The following SLC7A13 variants were observed in gnomAD, a reference collection of about 807,000 sequenced individuals.
SLC7A13 encodes the protein X-amino acid transporter 2.
Under a neutral mutation model 32.0 loss-of-function variants are expected in SLC7A13, and 31 were observed. The ratio of observed to expected loss-of-function variants is 0.97; its 90% CI spans 0.73 to 1.31. The LOEUF (loss-of-function observed/expected upper bound fraction) is 1.31, where lower values mean the gene tolerates loss of function less well. SLC7A13 is among the 50% of genes most tolerant of loss of function. The pLI, the probability that SLC7A13 is intolerant of heterozygous loss-of-function variation, is 0.00. For synonymous variants in SLC7A13, 232 were observed against 206.9 expected, an observed-to-expected ratio of 1.12 and a Z score of -1.04; for missense variants, 633 against 546.9, an observed-to-expected ratio of 1.16 and a Z score of -1.57.
At chr8:86,226,344 T>C (rs1326042524) in intron 1 of SLC7A13, among the ~76,000 whole-genome samples, 13 of 152,144 alleles carry the variant, frequency 8.5e-5, no homozygotes, top group Admixed American at 8.5e-4. Flanking sequence ...TCCTCATAGC[T>C]TTCTTTTCTC....
At chr8:86,216,954 T>C (rs1189917699) in intron 3 of SLC7A13, among the ~76,000 whole-genome samples, 1 of 152,204 alleles carries the variant, frequency 6.6e-6, no homozygotes, top group East Asian at 1.9e-4. Context: ...TTATTTCCTT[T>C]TCTACAATTA....
At chr8:86,225,314 G>T (rs1014520787) in intron 1 of SLC7A13, among the ~76,000 whole-genome samples, 4 of 152,078 alleles carry the variant, frequency 2.6e-5, no homozygotes, top group African/African-American at 9.7e-5. Context: ...TTTTAACCCT[G>T]CCCGCACCAC....
intron 1 of SLC7A13, among the ~76,000 whole-genome samples, chr8:86,228,933 A>G (rs4548162): frequency 0.31 from 46,932 of 151,826 alleles, 8,086 homozygotes; most frequent in South Asian, 0.5. Context: ...CTCCCATTTC[A>G]GCCTCTCAAA....
In SLC7A13 at chr8:86,214,661, G is replaced by A. The variant is rs764402711; in HGVS notation, c.1180-15C>T. On this transcript the variant is annotated splice_polypyrimidine_tract_variant and intron_variant, in intron 3 of 3. Transcript: ENST00000297524. ...GACAAAAACACCTGAAAAGAGCAAA[G>A]TTTGAAAAAATATTGGATATGAACA... 4 of 1,576,130 alleles carry A rather than the reference G, an allele frequency of 2.5e-6. No individual in the cohort carries two copies. Among genetic ancestry groups the A allele is most frequent in the Non-Finnish European group, 3.5e-6 (4 of 1,158,358 alleles).
rs1337942617 is a variant in SLC7A13, at chr8:86,229,640, T to C, written c.638A>G (p.Gln213Arg). 1.9e-6 allele frequency: 3 copies of C among 1,614,008 alleles called. No homozygotes were observed. The highest frequency in any genetic ancestry group is 1.7e-5 in the Admixed American group (1 of 59,992). The change falls in exon 1 of 4, where the codon CAA (glutamine) becomes CGA (arginine). Residue 213 changes from glutamine (Q) to arginine (R), a missense_variant. Gln to Arg is a conservative substitution (Grantham distance 43). Coordinates refer to ENST00000297524, the MANE Select transcript of SLC7A13 (RefSeq NM_138817.3). ...DISHLIQAIF[Q>R]GYFAYSGGAC... is the part of the protein sequence containing the mutation. ...CCCGCCTGAATATGCAAAATATCCT[T>C]GGAAGATGGCTTGTATAAGGTGAGA...
chr8:86,219,056 AG>A (rs747189086), intron 2 of SLC7A13, among the ~76,000 whole-genome samples: 151 of 152,132 alleles, frequency 9.9e-4, no homozygotes, highest in Non-Finnish European at 3.2e-4. Flanking sequence ...CTTTTTAAAT[AG>A]CCTCAACTGC....
Position 86,214,312 on chromosome 8 carries a change from G to A in SLC7A13, c.*101C>T. ...TTTGAGAAAAAAATATTTACCATAG[G>A]AATTTCACCATGAATGTTCTATCAT... is the stretch of plus-strand genomic sequence containing the variant. On this transcript the variant is annotated 3_prime_UTR_variant, in exon 4 of 4. Transcript: ENST00000297524. The A allele has an allele frequency of 4.3e-6, 3 of 692,406 alleles. No individual in the cohort carries two copies. The South Asian group carries it at 6.2e-5, about 14-fold the overall frequency. 42.9% of individuals were successfully genotyped at this position (692,406 alleles called of 1,614,324 possible).
chr8:86,228,538 T>C (rs1169987290), intron 1 of SLC7A13, among the ~76,000 whole-genome samples: 1 of 151,982 alleles, frequency 6.6e-6, no homozygotes, highest in East Asian at 1.9e-4. Flanking sequence ...CACACTCAGA[T>C]AATTTTTTAA....
chr8:86,220,695 T>C (rs1002314780), intron 2 of SLC7A13, among the ~76,000 whole-genome samples: 2 of 152,140 alleles, frequency 1.3e-5, no homozygotes, highest in African/African-American at 4.8e-5. Context: ...CCCTTAATCG[T>C]TAAAATTTCT....
intron 1 of SLC7A13, among the ~76,000 whole-genome samples, chr8:86,226,137 A>G (rs1820386223): frequency 6.6e-6 from 1 of 152,160 alleles, no homozygotes; most frequent in Admixed American, 6.5e-5. Flanking sequence ...GTAAGAATAA[A>G]TTCTGTAAGT....
intron 2 of SLC7A13, among the ~76,000 whole-genome samples, chr8:86,220,901 C>A (rs1163336986): frequency 4.1e-5 from 6 of 147,358 alleles, no homozygotes. Flanking sequence ...GGCTGAGGCA[C>A]AAGAAGCGCT....
At chr8:86,225,385 T>C (rs1467723738) in intron 1 of SLC7A13, among the ~76,000 whole-genome samples, 1 of 152,160 alleles carries the variant, frequency 6.6e-6, no homozygotes, top group Non-Finnish European at 1.5e-5. Flanking sequence ...AAAATTCCAA[T>C]CCTAGTGTTT....
intron 1 of SLC7A13, among the ~76,000 whole-genome samples, chr8:86,225,228 T>A (rs1404803507): frequency 6.6e-6 from 1 of 152,208 alleles, no homozygotes; most frequent in Non-Finnish European, 1.5e-5. Context: ...TGCCCAGGGG[T>A]TGGATCTAAT....
Position 86,229,610 on chromosome 8 carries a change from C to T in SLC7A13, c.668G>A (p.Cys223Tyr). The T allele has an allele frequency of 1.2e-6, 2 of 1,613,494 alleles. No homozygotes were observed. Among genetic ancestry groups the T allele is most frequent in the South Asian group, 2.2e-5 (2 of 90,996 alleles). Residue 223 changes from cysteine to tyrosine, a missense_variant, in exon 1 of 4, where the codon TGC becomes TAC. Coordinates refer to ENST00000297524, the MANE Select transcript of SLC7A13 (RefSeq NM_138817.3). ...QGYFAYSGGACFTLIAGELKK... is the reference protein window; with the variant it reads ...QGYFAYSGGAYFTLIAGELKK... ...ATTGTTACCTGCTATAAGTGTAAAG[C>T]ATGCCCCGCCTGAATATGCAAAATA...
chr8:86,222,873 A>G (rs967464277), intron 2 of SLC7A13, 99 bp downstream of exon 2: 6 of 1,185,286 alleles, frequency 5.1e-6, no homozygotes, highest in Non-Finnish European at 6.8e-6. Flanking sequence ...TTCCATATAT[A>G]GAATAATGAA....
chr8:86,215,341 T>C lies in SLC7A13; in HGVS notation c.1180-695A>G, dbSNP rs143610794. 2.6e-5 allele frequency among the ~76,000 whole-genome samples: 4 copies of C among 152,312 alleles called. No homozygotes were observed. In the East Asian group the frequency reaches 7.7e-4, roughly 29 times the overall value. On this transcript the variant is annotated intron_variant, in intron 3 of 3. Transcript: ENST00000297524. The stretch of plus-strand genomic sequence containing the variant: ...ATATATTACACAGCTAGTCATAATT[T>C]ATGAAACAAAACCCTTTAATTAGAG...
At chr8:86,215,237 A>G (rs1820159752) in intron 3 of SLC7A13, among the ~76,000 whole-genome samples, 1 of 152,188 alleles carries the variant, frequency 6.6e-6, no homozygotes, top group African/African-American at 2.4e-5. Flanking sequence ...GAATTGTAAG[A>G]GTTCTCTACA....
chr8:86,218,788 T>C (rs140719676), intron 2 of SLC7A13, among the ~76,000 whole-genome samples: 3 of 152,174 alleles, frequency 2.0e-5, no homozygotes, highest in East Asian at 3.9e-4. Flanking sequence ...TCATATTATG[T>C]GGATATATGC....
chr8:86,215,647 C>T (rs1586141831), intron 3 of SLC7A13: 4 of 442,888 alleles, frequency 9.0e-6, no homozygotes, highest in South Asian at 6.3e-5. Flanking sequence ...GATCATGCCA[C>T]TGCACTCCAG....
Sources: allele counts gnomAD v4.1 joint callset (sites outside exome capture counted in the v4.1 genomes callset), GRCh38; gene constraint gnomAD v4.1.1; transcripts MANE v1.5; gene names NCBI Gene and HGNC (gene_info 2026-07-23, HGNC 2026-07-21).